FRMPD4: variants seen among roughly 807,000 people sequenced by gnomAD.
The protein encoded by FRMPD4 is FERM and PDZ domain containing 4.
FRMPD4 carries 22 observed loss-of-function variants against 94.1 expected under a neutral mutation model. That is an observed-to-expected ratio of 0.23 (90% CI 0.17 to 0.33). FRMPD4 has a LOEUF of 0.33. Ranked by LOEUF, FRMPD4 falls within the 10% of genes least tolerant of loss-of-function variation. The pLI is 1.00. For synonymous variants in FRMPD4, 631 were observed against 548.6 expected (o/e 1.15, Z -2.10); for missense variants, 1,111 against 1,339.9 (o/e 0.83, Z 2.67).
At chrX:11,935,263 TAA>T (rs1569129057) in intron 3 of FRMPD4, among the ~76,000 whole-genome samples, 337 of 13,882 alleles carry the variant, frequency 0.024, 21 homozygotes, top group Admixed American at 0.04. Context: ...TTTTTTTTTT[TAA>T]TGTGTTTTTT....
At chrX:12,226,317 G>C (rs1317065885) in intron 1 of FRMPD4, among the ~76,000 whole-genome samples, 1 of 111,271 alleles carries the variant, frequency 9.0e-6, no homozygotes. Context: ...TAGGAGGATA[G>C]AATGGGGAGG....
At chrX:12,699,893 CTGAA>C (rs68078783) in intron 9 of FRMPD4, among the ~76,000 whole-genome samples, 3,264 of 112,214 alleles carry the variant, frequency 0.029, 149 homozygotes, top group African/African-American at 0.1. Flanking sequence ...TGCTAACGGA[CTGAA>C]TGAAGAAACC....
intron 1 of FRMPD4, among the ~76,000 whole-genome samples, chrX:12,288,460 G>A (rs1022259997): frequency 9.0e-6 from 1 of 111,287 alleles, no homozygotes; most frequent in African/African-American, 3.3e-5. Context: ...TAATGCTTGG[G>A]TGCTATGCCT....
chrX:12,143,343 T>C (rs181918587), intron 1 of FRMPD4, among the ~76,000 whole-genome samples: 69 of 112,512 alleles, frequency 6.1e-4, no homozygotes, highest in Non-Finnish European at 1.0e-3. Context: ...TTCAAAAATA[T>C]CAAAAAAAGA....
chrX:12,691,022 G>A (rs1296137179), intron 8 of FRMPD4, among the ~76,000 whole-genome samples: 2 of 112,164 alleles, frequency 1.8e-5, no homozygotes, highest in African/African-American at 6.5e-5. Context: ...GACACCAGGA[G>A]GAGAAGCATC....
chrX:12,676,375 A>G (rs1269058820), intron 5 of FRMPD4, among the ~76,000 whole-genome samples: 1 of 112,778 alleles, frequency 8.9e-6, no homozygotes, highest in East Asian at 2.7e-4. Context: ...CAGTGGACAA[A>G]TTCATTTGGG....
In FRMPD4 at chrX:11,912,678, AT is replaced by A. The variant is rs768797764; in HGVS notation, c.95+34667del. On this transcript the variant is annotated intron_variant, in intron 3 of 18. Transcript: ENST00000640291. The stretch of plus-strand genomic sequence containing the variant: ...TTTTAAAAGCCCCTTCAATACTTGT[AT>A]TTTTTTAAACATGTGGAACCTACTC... 8.1e-5 allele frequency among the ~76,000 whole-genome samples: 9 copies of A among 111,287 alleles called. No individual in the cohort carries two copies. The East Asian group carries it at 2.5e-3, about 31-fold the overall frequency.
intron 2 of FRMPD4, among the ~76,000 whole-genome samples, chrX:11,872,374 A>G (rs1188509885): frequency 8.9e-6 from 1 of 112,390 alleles, no homozygotes; most frequent in Non-Finnish European, 1.9e-5. Context: ...ATCCAATTTC[A>G]GAAGACTAAT....
intron 2 of FRMPD4, among the ~76,000 whole-genome samples, chrX:12,561,911 T>A (rs766300206): frequency 1.7e-4 from 19 of 112,409 alleles, no homozygotes; most frequent in Non-Finnish European, 2.8e-4. Flanking sequence ...AGGCAGCAAT[T>A]AAGCCAAAGG....
chrX:12,098,700 T>A (rs2147506532), intron 3 of FRMPD4, among the ~76,000 whole-genome samples: 1 of 111,189 alleles, frequency 9.0e-6, no homozygotes, highest in South Asian at 3.9e-4. Context: ...GGTGGGATGC[T>A]ACTGGCATCT....
At chrX:12,336,311 A>G (rs1001982364) in intron 1 of FRMPD4, among the ~76,000 whole-genome samples, 3 of 111,963 alleles carry the variant, frequency 2.7e-5, no homozygotes, top group Non-Finnish European at 5.6e-5. Flanking sequence ...GGCAGTTGGC[A>G]TAGCTACTTG....
At chrX:12,261,710 A>T (rs1227665797) in intron 1 of FRMPD4, among the ~76,000 whole-genome samples, 4 of 112,106 alleles carry the variant, frequency 3.6e-5, no homozygotes, top group African/African-American at 6.5e-5. Context: ...AGTAAATTGA[A>T]TAGTAAAACA....
At chrX:12,436,735 ACATAACAGATG>A (rs2057071266) in intron 1 of FRMPD4, among the ~76,000 whole-genome samples, 1 of 111,431 alleles carries the variant, frequency 9.0e-6, no homozygotes, top group Admixed American at 9.5e-5. Flanking sequence ...CTTTACTGAT[ACATAACAGATG>A]CATATATTTT....
chrX:12,674,797 A>G, intron 4 of FRMPD4, 66 bp from the exon 5 acceptor site: 1 of 703,931 alleles, frequency 1.4e-6, no homozygotes, highest in East Asian at 3.2e-5. Context: ...TTTGAAAGAA[A>G]ACTCTTACTA....
Position 12,716,175 on chromosome X carries a change from C to T in FRMPD4, c.1716C>T (p.Tyr572=), listed in dbSNP as rs761836890. 4.2e-6 allele frequency: 5 copies of T among 1,204,346 alleles called. No individual in the cohort carries two copies. In the East Asian group the frequency reaches 1.2e-4, roughly 29 times the overall value. ...GGGAACAAGAAGCCCAGATAACATA[C>T]ATAGATTCAAAGCAGAAGACGGTGG... ...GEGEQEAQIT[Y]IDSKQKTVEI... Residue 572 remains tyrosine (Y), a synonymous_variant, in exon 15 of 17, where the codon TAC becomes TAT. Coordinates refer to ENST00000675598, the MANE Select transcript of FRMPD4 (RefSeq NM_001368397.1).
chrX:12,274,530 T>C (rs1168772656), intron 1 of FRMPD4, among the ~76,000 whole-genome samples: 1 of 112,557 alleles, frequency 8.9e-6, no homozygotes, highest in African/African-American at 3.2e-5. Context: ...AAATAATCCA[T>C]TGAATGAAGC....
intron 1 of FRMPD4, among the ~76,000 whole-genome samples, chrX:12,441,386 A>G (rs2057134452): frequency 8.9e-6 from 1 of 112,449 alleles, no homozygotes; most frequent in Non-Finnish European, 1.9e-5. Context: ...TAAAAATAAC[A>G]AAGTACACAA....
At position 12,716,622 on chromosome X, in the gene FRMPD4, T is replaced by C. The variant is rs759096694; in HGVS notation, c.2163T>C (p.Asp721=). ...ATTCTGTTTATGCAAACATAGGCGATGTGAAGAGCTTCCAGGCCGCGGAGG... is the reference window on the plus strand; with the variant it reads ...ATTCTGTTTATGCAAACATAGGCGACGTGAAGAGCTTCCAGGCCGCGGAGG... ...VENSVYANIG[D]VKSFQAAEGI... is the part of the protein sequence containing the mutation. The change falls in exon 15 of 17, where the codon GAT becomes GAC. Residue 721 remains aspartate, a synonymous_variant. Transcript: ENST00000675598. 9 of 1,209,421 alleles carry C rather than the reference T, an allele frequency of 7.4e-6. No homozygotes were observed. The highest frequency in any genetic ancestry group is 2.2e-5 in the Admixed American group (1 of 45,773).
chrX:12,258,795 T>C, intron 1 of FRMPD4, among the ~76,000 whole-genome samples: 1 of 111,944 alleles, frequency 8.9e-6, no homozygotes. Context: ...ACCTCAAGCA[T>C]GTATCTTTTC....
Sources: allele counts gnomAD v4.1 joint callset (sites outside exome capture counted in the v4.1 genomes callset), GRCh38; gene constraint gnomAD v4.1.1; transcripts MANE v1.5; gene names NCBI Gene and HGNC (gene_info 2026-07-23, HGNC 2026-07-21).